Variants in MGA observed in about 807,000 individuals in gnomAD.
MGA encodes MAX dimerization protein MGA.
Under a neutral mutation model 261.1 loss-of-function variants are expected in MGA, and 40 were observed. That is an observed-to-expected ratio of 0.15 (90% CI 0.12 to 0.20). MGA has a LOEUF of 0.20. Among genes scored for constraint, MGA ranks in the 10% least tolerant of loss-of-function variants. The pLI, the probability that MGA is intolerant of heterozygous loss-of-function variation, is 1.00. For synonymous variants in MGA, 1,302 were observed against 1,290.6 expected, an observed-to-expected ratio of 1.01 and a Z score of -0.19; for missense variants, 3,397 against 3,630.5, an observed-to-expected ratio of 0.94 and a Z score of 1.65.
At chr15:41,707,936 A>G (rs2060200994) in intron 6 of MGA, 77 bp downstream of exon 6, 1 of 1,519,282 alleles carries the variant, frequency 6.6e-7, no homozygotes, top group South Asian at 1.2e-5. Context: ...GTAAAAAGCT[A>G]CCTTTATTGG....
intron 2 of MGA, among the ~76,000 whole-genome samples, chr15:41,682,166 C>G (rs943608149): frequency 2.1e-4 from 32 of 152,296 alleles, no homozygotes; most frequent in Non-Finnish European, 3.7e-4. Context: ...ATCTGCCTGC[C>G]TCAGCCACCC....
At chr15:41,734,633 T>C (rs773309075) in intron 12 of MGA, 39 bp downstream of exon 12, 219 of 1,420,020 alleles carry the variant, frequency 1.5e-4, no homozygotes, top group Non-Finnish European at 2.1e-4. Flanking sequence ...TGATAAAAAT[T>C]ATTTAGGTCT....
chr15:41,686,278 C>T lies in MGA; in HGVS notation c.1065-9797C>T, dbSNP rs562501674. ...CTTTAATTCCAGCACTTTGGGAGGC[C>T]GAGGTAGGAGGATCACTTGAGCCCA... On this transcript the variant is annotated intron_variant, in intron 2 of 23. Coordinates refer to ENST00000219905, the MANE Select transcript of MGA (RefSeq NM_001164273.2). 5.5e-3 allele frequency among the ~76,000 whole-genome samples: 834 copies of T among 151,952 alleles called. 7 individuals carry two copies. The highest frequency in any genetic ancestry group is 0.019 in the African/African-American group (803 of 41,434).
At chr15:41,670,981 T>C (rs2058028542) in intron 2 of MGA, among the ~76,000 whole-genome samples, 1 of 152,174 alleles carries the variant, frequency 6.6e-6, no homozygotes, top group Non-Finnish European at 1.5e-5. Flanking sequence ...TTTGGCGTTA[T>C]TTTTCTTCCC....
rs752129722 is a variant in MGA at position 41,749,214 on chromosome 15, A to G, written c.5607A>G (p.Gln1869=). 9.9e-6 allele frequency: 16 copies of G among 1,613,866 alleles called. No homozygotes were observed. The highest frequency in any genetic ancestry group is 1.3e-5 in the African/African-American group (1 of 74,922). ...TCTCTGTCATGAATCCTGTAATTCA[A>G]GCTGTTGGGTCTTCTTCAGCAGTGA... Residue 1869 remains glutamine (Q), a synonymous_variant, in exon 17 of 24, where the codon CAA becomes CAG. Transcript: ENST00000219905.
At chr15:41,752,427 G>T (rs1360564429) in intron 17 of MGA, 2 of 151,508 alleles carry the variant, frequency 1.3e-5, no homozygotes, top group Non-Finnish European at 2.9e-5. Context: ...TGATTTTTTT[G>T]TGTTTTTTGC....
rs143079519 is a variant in MGA at position 41,686,219 on chromosome 15, A to G, written c.1065-9856A>G. Among the ~76,000 whole-genome samples, 80 of 151,656 alleles carry G rather than the reference A, an allele frequency of 5.3e-4. 1 individual carries two copies. In the East Asian group the frequency reaches 0.015, roughly 28 times the overall value. On this transcript the variant is annotated intron_variant, in intron 2 of 23. Transcript: ENST00000219905. The stretch of plus-strand genomic sequence containing the variant: ...CTTGGACTCCCAGTACTGTGTTGAA[A>G]ATAAATTTTGAGGCAGGGTGTGGTG...
intron 2 of MGA, among the ~76,000 whole-genome samples, chr15:41,689,920 T>G (rs942249320): frequency 2.0e-5 from 3 of 152,204 alleles, no homozygotes; most frequent in Non-Finnish European, 4.4e-5. Context: ...TGAGATATAA[T>G]TCACATACAA....
chr15:41,769,236 A>G lies in MGA; in HGVS notation c.*1956A>G, dbSNP rs1448563904. The G allele has an allele frequency of 1.3e-5, 2 of 151,888 alleles. No homozygotes were observed. Among genetic ancestry groups the G allele is most frequent in the Admixed American group, 1.3e-4 (2 of 15,218 alleles). 9.4% of individuals were successfully genotyped at this position (151,888 alleles called of 1,614,324 possible). A position where few individuals can be genotyped will look rare whatever the true frequency, so the allele number is the denominator to read the frequency against. On this transcript the variant is annotated 3_prime_UTR_variant, in exon 24 of 24. Transcript: ENST00000219905. ...TCTTTGTGGCTTTTGAGGGTCAGCCAAGGAGCAGGCAAGTGAGTGAACAAT... is the reference window on the plus strand; with the variant it reads ...TCTTTGTGGCTTTTGAGGGTCAGCCGAGGAGCAGGCAAGTGAGTGAACAAT...
At chr15:41,732,610 T>C (rs1336664630) in intron 11 of MGA, among the ~76,000 whole-genome samples, 1 of 152,230 alleles carries the variant, frequency 6.6e-6, no homozygotes, top group Non-Finnish European at 1.5e-5. Flanking sequence ...GGAGGTATTT[T>C]AGTCCATTTA....
chr15:41,690,711 C>CA (rs1470295713), intron 2 of MGA, among the ~76,000 whole-genome samples: 1 of 151,916 alleles, frequency 6.6e-6, no homozygotes, highest in Non-Finnish European at 1.5e-5. Flanking sequence ...CCTGTCTCTA[C>CA]AAAAAAATAA....
intron 2 of MGA, among the ~76,000 whole-genome samples, chr15:41,695,230 G>T (rs577790736): frequency 6.7e-6 from 1 of 148,916 alleles, no homozygotes; most frequent in Admixed American, 6.8e-5. Context: ...TTGCTCTGTC[G>T]CCAGGCTGGA....
In MGA at chr15:41,736,553, C is replaced by G. The variant is rs1454675651; in HGVS notation, c.4289C>G (p.Ser1430Cys). ...TCCCCTGGGAAAATGGAGGATATCT[C>G]TCCTGTGCAGACAGATGCCCTGGAT... Residue 1430 changes from serine to cysteine, a missense_variant, in exon 13 of 24, where the codon TCT becomes TGT. Around this residue, in one of 9 missense-constraint regions of MGA, gnomAD observed 1,410 missense variants for 1,386.4 expected, o/e 1.02. Transcript: ENST00000219905. The G allele has an allele frequency of 6.2e-7, 1 of 1,614,030 alleles. No individual in the cohort carries two copies. The highest frequency in any genetic ancestry group is 1.1e-5 in the South Asian group (1 of 91,084).
chr15:41,689,499 G>T (rs189909671), intron 2 of MGA, among the ~76,000 whole-genome samples: 1 of 149,038 alleles, frequency 6.7e-6, no homozygotes, highest in Non-Finnish European at 1.5e-5. Flanking sequence ...TTATATTTAC[G>T]TATTTATTTA....
intron 5 of MGA, among the ~76,000 whole-genome samples, chr15:41,706,573 TTTTTTTTTTCCC>T (rs2060126236): frequency 7.7e-6 from 1 of 129,166 alleles, no homozygotes; most frequent in Non-Finnish European, 1.6e-5. Context: ...ACACTTAGCT[TTTTTTTTTTCCC>T]TTTTTTTTTT....
chr15:41,641,636 C>T (rs1394459530), intron 1 of MGA, among the ~76,000 whole-genome samples: 11 of 151,572 alleles, frequency 7.3e-5, no homozygotes, highest in South Asian at 4.2e-4. Flanking sequence ...ACTATAGGTG[C>T]GCGCCACCAC....
At chr15:41,641,581 C>T (rs1321301837) in intron 1 of MGA, among the ~76,000 whole-genome samples, 2 of 150,230 alleles carry the variant, frequency 1.3e-5, no homozygotes, top group Non-Finnish European at 2.9e-5. Context: ...CCTCTGCTTC[C>T]TGGGTTCAAG....
rs554128900 is a variant in MGA at position 41,698,061 on chromosome 15, G to A, written c.2014-802G>A. 3.7e-4 allele frequency among the ~76,000 whole-genome samples: 54 copies of A among 144,726 alleles called. No homozygotes were observed. The South Asian group carries it at 5.2e-3, about 14-fold the overall frequency. 94.9% of individuals were successfully genotyped at this position (144,726 alleles called of 152,430 possible). On this transcript the variant is annotated intron_variant, in intron 3 of 23. Transcript: ENST00000219905. ...TTTTTTTTGTATTTTTAGTAGAGAC[G>A]GGGTTTCACCATATTAGCCAGGATG...
At chr15:41,621,627 G>C (rs374188387) in intron 1 of MGA, 1 of 151,988 alleles carries the variant, frequency 6.6e-6, no homozygotes, top group Non-Finnish European at 1.5e-5. Context: ...CGCTACGCCC[G>C]TCCCCACGCG....
Sources: gnomAD v4.1 joint callset for allele counts (sites outside exome capture counted in the v4.1 genomes callset) on GRCh38, gnomAD v4.1.1 for gene constraint, gnomAD v4.1.1 regional missense constraint, MANE v1.5 for transcripts, NCBI Gene and HGNC (gene_info 2026-07-23, HGNC 2026-07-21) for gene names.